DNAH7: variants seen among roughly 807,000 people sequenced by gnomAD.
DNAH7 encodes the protein axonemal beta dynein heavy chain 7.
A neutral mutation model predicts 444.6 loss-of-function variants in DNAH7; 397 were observed. The ratio of observed to expected loss-of-function variants is 0.89; its 90% CI spans 0.82 to 0.97. The LOEUF is 0.97. Among genes scored for constraint, DNAH7 ranks in the 50% least tolerant of loss-of-function variants. The pLI is 0.00. For synonymous variants in DNAH7, 1,636 were observed against 1,624.4 expected, an observed-to-expected ratio of 1.01 and a Z score of -0.17; for missense variants, 4,902 against 4,800.8, an observed-to-expected ratio of 1.02 and a Z score of -0.62.
At chr2:195,943,204 T>C (rs1285510860) in intron 19 of DNAH7, among the ~76,000 whole-genome samples, 1 of 152,172 alleles carries the variant, frequency 6.6e-6, no homozygotes, top group Non-Finnish European at 1.5e-5. Context: ...AATTACCTGG[T>C]CTCAGGCATG....
chr2:195,851,848 A>ATTT (rs1197391117), intron 46 of DNAH7, among the ~76,000 whole-genome samples: 1 of 152,218 alleles, frequency 6.6e-6, no homozygotes, highest in Admixed American at 6.5e-5. Flanking sequence ...TACTCCTTTT[A>ATTT]TTGTTCAAAA....
rs755457719 is a variant in DNAH7, at chr2:195,856,005, A to T, written c.8415-14T>A. 6.3e-7 allele frequency: 1 copy of T among 1,599,222 alleles called. No homozygotes were observed. The highest frequency in any genetic ancestry group is 1.1e-5 in the South Asian group (1 of 88,936). ...ATTTTTGCCACTCTGCAAAAAGTAAAATTGAAAAATTAAATATTCATTTAA... is the reference window on the plus strand; with the variant it reads ...ATTTTTGCCACTCTGCAAAAAGTAATATTGAAAAATTAAATATTCATTTAA... On this transcript the variant is annotated splice_polypyrimidine_tract_variant and intron_variant, in intron 44 of 64. Transcript: ENST00000312428.
chr2:195,960,660 C>A lies in DNAH7; in HGVS notation c.2491G>T (p.Val831Leu), dbSNP rs765182375. ...LAMTKKVRSK[V>L]EDFKQHIPLI... ...GGAATGTGCTGCTTGAAATCTTCCA[C>A]CTTTGATCTTACTTTTTTTGTCATT... Residue 831 changes from valine to leucine, a missense_variant, in exon 18 of 65, where the codon GTG becomes TTG. Transcript: ENST00000312428. 6.2e-7 allele frequency: 1 copy of A among 1,614,190 alleles called. No individual in the cohort carries two copies. Among genetic ancestry groups the A allele is most frequent in the Non-Finnish European group, 8.5e-7 (1 of 1,180,024 alleles).
chr2:195,738,629 A>C (rs985209698), intron 64 of DNAH7, among the ~76,000 whole-genome samples: 2 of 152,222 alleles, frequency 1.3e-5, no homozygotes, highest in African/African-American at 4.8e-5. Flanking sequence ...GCATTCCTTT[A>C]TAACCACAAT....
intron 38 of DNAH7, among the ~76,000 whole-genome samples, chr2:195,874,993 T>C (rs1048951280): frequency 6.6e-6 from 1 of 152,210 alleles, no homozygotes; most frequent in African/African-American, 2.4e-5. Context: ...AAAAATGGAA[T>C]ACTGGCTTGA....
At chr2:195,875,566 CAT>C (rs892732372) in intron 38 of DNAH7, 107 bp downstream of exon 38, 4 of 1,038,524 alleles carry the variant, frequency 3.9e-6, no homozygotes, top group Non-Finnish European at 5.5e-6. Flanking sequence ...ACATAGAAAA[CAT>C]ATACACAAAA....
intron 47 of DNAH7, 27 bp downstream of exon 47, chr2:195,844,975 C>G: frequency 1.3e-6 from 2 of 1,594,356 alleles, no homozygotes; most frequent in Non-Finnish European, 1.7e-6. Flanking sequence ...TAATAAAGAC[C>G]ATTTGTGAGA....
chr2:196,048,193 T>A, intron 4 of DNAH7, 103 bp downstream of exon 4: 1 of 995,912 alleles, frequency 1.0e-6, no homozygotes. Context: ...TTGACATTAA[T>A]GTCATTCAGG....
At chr2:195,994,415 A>G in intron 12 of DNAH7, 1 of 716,294 alleles carries the variant, frequency 1.4e-6, no homozygotes, top group Non-Finnish European at 2.3e-6. Flanking sequence ...TTTGGTCCTC[A>G]GTCTGCTGTA....
intron 1 of DNAH7, among the ~76,000 whole-genome samples, chr2:196,067,580 G>T (rs1698497456): frequency 6.6e-6 from 1 of 151,840 alleles, no homozygotes; most frequent in African/African-American, 2.4e-5. Context: ...TTTTAAAAAG[G>T]TTCAAACCAA....
intron 44 of DNAH7, 128 bp from the exon 45 acceptor site, chr2:195,856,119 A>T: frequency 1.3e-6 from 1 of 780,026 alleles, no homozygotes; most frequent in Admixed American, 3.1e-5. Context: ...ATCTAAACCG[A>T]TTTCCATATT....
chr2:196,033,299 TTGTG>T (rs2125803003), intron 5 of DNAH7, among the ~76,000 whole-genome samples: 1 of 152,312 alleles, frequency 6.6e-6, no homozygotes, highest in African/African-American at 2.4e-5. Flanking sequence ...ACTTAACACT[TTGTG>T]TGGAGAATTT....
In DNAH7 at chr2:195,828,245, A is replaced by G. The variant is rs376453124; in HGVS notation, c.9101-3800T>C. ...TATTTGGCTTATAGTGTTACGGCTT[A>G]AATTAGGATACAAATAAGTTTCATA... On this transcript the variant is annotated intron_variant, in intron 48 of 64. Coordinates refer to ENST00000312428, the MANE Select transcript of DNAH7 (RefSeq NM_018897.3). Among the ~76,000 whole-genome samples, 114 of 152,318 alleles carry G rather than the reference A, an allele frequency of 7.5e-4. 2 individuals are homozygous for G. The East Asian group carries it at 0.02, about 27-fold the overall frequency.
intron 47 of DNAH7, among the ~76,000 whole-genome samples, chr2:195,843,311 T>C (rs555087014): frequency 1.3e-5 from 2 of 152,318 alleles, no homozygotes; most frequent in South Asian, 4.1e-4. Flanking sequence ...CTAATGCACA[T>C]ATTTATCATT....
intron 10 of DNAH7, 109 bp from the exon 11 acceptor site, chr2:196,001,967 A>G: frequency 1.3e-6 from 1 of 787,290 alleles, no homozygotes; most frequent in East Asian, 2.9e-5. Flanking sequence ...ATAGAGAAGT[A>G]TATTGCTAAA....
intron 28 of DNAH7, among the ~76,000 whole-genome samples, chr2:195,898,553 A>G (rs1397561585): frequency 6.6e-6 from 1 of 152,170 alleles, no homozygotes; most frequent in Admixed American, 6.5e-5. Flanking sequence ...CAGTTAGATG[A>G]CATAATAACA....
Position 195,817,730 on chromosome 2 carries a change from GCTTTTCTTCTTCAAGGT to G in DNAH7, c.9374_9390del (p.Asp3125AlafsTer9). On this transcript the variant is annotated frameshift_variant, in exon 50 of 65. Coordinates refer to ENST00000312428, the MANE Select transcript of DNAH7 (RefSeq NM_018897.3). LOFTEE classifies it high-confidence loss of function. Reference sequence around the variant, plus strand: ...TCAGCTCCTTGTAATATCAAGGCTTGCTTTTCTTCTTCAAGGTCTGGCCTTTCTTGTGCCACCACAAT... The same window carrying G: ...TCAGCTCCTTGTAATATCAAGGCTTGCTGGCCTTTCTTGTGCCACCACAAT... 3 of 1,612,796 alleles carry G rather than the reference GCTTTTCTTCTTCAAGGT, an allele frequency of 1.9e-6. No individual in the cohort carries two copies. Among genetic ancestry groups the G allele is most frequent in the Non-Finnish European group, 2.5e-6 (3 of 1,179,522 alleles).
At chr2:195,950,745 G>A (rs1489076152) in intron 19 of DNAH7, among the ~76,000 whole-genome samples, 9 of 144,636 alleles carry the variant, frequency 6.2e-5, no homozygotes, top group Non-Finnish European at 4.4e-5. Flanking sequence ...CCAGCTACTC[G>A]GAAGGCTAAG....
chr2:195,771,911 A>C (rs374791417), intron 60 of DNAH7, 21 bp from the exon 61 acceptor site: 1 of 1,606,452 alleles, frequency 6.2e-7, no homozygotes. Context: ...TCCAAACTAT[A>C]ACTCAAAAAT....
Sources: gnomAD v4.1 joint callset for allele counts (sites outside exome capture counted in the v4.1 genomes callset) on GRCh38, gnomAD v4.1.1 for gene constraint, MANE v1.5 for transcripts, NCBI Gene and HGNC (gene_info 2026-07-23, HGNC 2026-07-21) for gene names.